CEP112: variants seen among roughly 807,000 people sequenced by gnomAD.
The protein encoded by CEP112 is centrosomal protein of 112 kDa.
In CEP112, 127 loss-of-function variants were observed where a neutral mutation model predicts 153.0. The observed-to-expected ratio is 0.83, with a 90% CI of 0.72 to 0.96. CEP112 has a LOEUF of 0.96. CEP112 is among the 40% of genes least tolerant of loss of function. The pLI is 0.00. For missense variants in CEP112, 1,089 were observed against 1,101.2 expected, an observed-to-expected ratio of 0.99 and a Z score of 0.16; for synonymous variants, 358 against 374.4, an observed-to-expected ratio of 0.96 and a Z score of 0.51.
At chr17:65,821,534 ATATATATTTTTTTT>A (rs1322328246) in intron 21 of CEP112, among the ~76,000 whole-genome samples, 1 of 32,688 alleles carries the variant, frequency 3.1e-5, no homozygotes, top group African/African-American at 1.3e-4. Context: ...ATATATATAT[ATATATATTTTTTTT>A]TTTTTTTTTT....
intron 19 of CEP112, chr17:65,913,399 A>T: frequency 1.6e-6 from 1 of 636,374 alleles, no homozygotes; most frequent in Non-Finnish European, 2.0e-6. Flanking sequence ...GAGTCCTTGG[A>T]GTCAGAGTAA....
intron 23 of CEP112, among the ~76,000 whole-genome samples, chr17:65,721,715 T>C (rs981475728): frequency 8.5e-5 from 13 of 152,332 alleles, no homozygotes; most frequent in Middle Eastern, 3.4e-3. Flanking sequence ...GAGATCGTTA[T>C]TGATCAACAG....
At chr17:66,119,138 A>G (rs951544172) in intron 6 of CEP112, among the ~76,000 whole-genome samples, 3 of 152,192 alleles carry the variant, frequency 2.0e-5, no homozygotes, top group African/African-American at 7.2e-5. Context: ...GTGGGAGCTG[A>G]ACAGTGAGAA....
In CEP112 at chr17:65,969,588, T is replaced by C. The variant is rs1177026344; in HGVS notation, c.1737-7990A>G. ...TATATTACACACAAGTATACACATA[T>C]ATTGCATGCACGAATATTACATGTG... On this transcript the variant is annotated intron_variant, in intron 17 of 26. Coordinates refer to ENST00000535342, the MANE Select transcript of CEP112 (RefSeq NM_001199165.4). Among the ~76,000 whole-genome samples the C allele has an allele frequency of 2.6e-5, 4 of 152,346 alleles. No individual in the cohort carries two copies. In the East Asian group the frequency reaches 5.8e-4, roughly 22 times the overall value.
At chr17:66,147,490 T>C (rs2146653715) in intron 4 of CEP112, among the ~76,000 whole-genome samples, 1 of 152,176 alleles carries the variant, frequency 6.6e-6, no homozygotes, top group African/African-American at 2.4e-5. Flanking sequence ...CAGTTTTTAA[T>C]TTTGATGTAG....
chr17:66,041,346 A>C (rs28482403), intron 12 of CEP112, among the ~76,000 whole-genome samples: 2 of 55,776 alleles, frequency 3.6e-5, no homozygotes, highest in Non-Finnish European at 8.5e-5. Flanking sequence ...TTAATTTATT[A>C]AAAAACACCT....
intron 20 of CEP112, among the ~76,000 whole-genome samples, chr17:65,860,031 C>A (rs72831458): frequency 0.21 from 26,746 of 128,796 alleles, 3,224 homozygotes; most frequent in South Asian, 0.42. Context: ...AAAAAAAAAA[C>A]AAAAACCTAT....
intron 21 of CEP112, among the ~76,000 whole-genome samples, chr17:65,822,417 T>C (rs1197327267): frequency 6.6e-6 from 1 of 152,248 alleles, no homozygotes; most frequent in Admixed American, 6.5e-5. Flanking sequence ...CATTCTCTCG[T>C]ATACTGTAAA....
chr17:65,987,823 G>A (rs755240068), intron 17 of CEP112, among the ~76,000 whole-genome samples: 6 of 152,072 alleles, frequency 3.9e-5, no homozygotes, highest in South Asian at 2.1e-4. Context: ...ATTTCCCCTC[G>A]ACCCAGAGTT....
chr17:65,763,872 AT>A (rs920529171), intron 21 of CEP112, among the ~76,000 whole-genome samples: 7 of 151,082 alleles, frequency 4.6e-5, no homozygotes, highest in South Asian at 2.1e-4. Flanking sequence ...ATGCCTTGTA[AT>A]TTTTTTTTCC....
At chr17:65,962,757 AC>A (rs2062255869) in intron 17 of CEP112, among the ~76,000 whole-genome samples, 1 of 151,980 alleles carries the variant, frequency 6.6e-6, no homozygotes, top group Admixed American at 6.6e-5. Context: ...GATGGTTTTA[AC>A]AAGAGGAGTT....
intron 18 of CEP112, among the ~76,000 whole-genome samples, chr17:65,956,983 A>G (rs941925809): frequency 5.3e-5 from 8 of 152,142 alleles, no homozygotes; most frequent in African/African-American, 1.9e-4. Context: ...GGTATACAGC[A>G]TGGATATGCT....
At chr17:66,131,146 A>G (rs2070144301) in intron 5 of CEP112, among the ~76,000 whole-genome samples, 1 of 152,174 alleles carries the variant, frequency 6.6e-6, no homozygotes, top group Admixed American at 6.5e-5. Context: ...TAAATGCACT[A>G]AAATGTTCTT....
chr17:65,694,529 C>G (rs1243720223), intron 23 of CEP112, among the ~76,000 whole-genome samples: 1 of 152,064 alleles, frequency 6.6e-6, no homozygotes, highest in African/African-American at 2.4e-5. Flanking sequence ...TAAAGTTAAT[C>G]AGAGAAAGCA....
chr17:65,824,355 C>T (rs1173029165), intron 21 of CEP112, among the ~76,000 whole-genome samples: 2 of 152,102 alleles, frequency 1.3e-5, no homozygotes, highest in Non-Finnish European at 2.9e-5. Context: ...AAAAGGAGAA[C>T]CTATGGTCAC....
intron 20 of CEP112, among the ~76,000 whole-genome samples, chr17:65,872,158 GTTAT>G (rs1455619179): frequency 6.6e-6 from 1 of 151,908 alleles, no homozygotes; most frequent in Non-Finnish European, 1.5e-5. Context: ...TTAATTTTAA[GTTAT>G]TTATCCCTTT....
chr17:66,173,739 T>C (rs1358373922), intron 4 of CEP112, among the ~76,000 whole-genome samples: 6 of 152,232 alleles, frequency 3.9e-5, no homozygotes, highest in Admixed American at 2.0e-4. Context: ...CCTCTTCTAA[T>C]TGTAATTCTC....
At chr17:65,823,061 C>T (rs1438458254) in intron 21 of CEP112, among the ~76,000 whole-genome samples, 1 of 151,874 alleles carries the variant, frequency 6.6e-6, no homozygotes, top group Non-Finnish European at 1.5e-5. Flanking sequence ...TAAAGAAAAC[C>T]TAAATAAATG....
At chr17:66,164,150 T>G (rs547869284) in intron 4 of CEP112, among the ~76,000 whole-genome samples, 2 of 152,364 alleles carry the variant, frequency 1.3e-5, no homozygotes, top group Non-Finnish European at 1.5e-5. Flanking sequence ...ATGTTGTATT[T>G]TATTGTGTAC....
Sources: allele counts gnomAD v4.1 joint callset (sites outside exome capture counted in the v4.1 genomes callset), GRCh38; gene constraint gnomAD v4.1.1; transcripts MANE v1.5; gene names NCBI Gene and HGNC (gene_info 2026-07-23, HGNC 2026-07-21).